CDH18: variants seen among roughly 807,000 people sequenced by gnomAD.
CDH18 encodes the protein cadherin 18.
Under a neutral mutation model 67.9 loss-of-function variants are expected in CDH18, and 31 were observed. The ratio of observed to expected loss-of-function variants is 0.46; its 90% CI spans 0.34 to 0.62. The LOEUF is 0.62. Among genes scored for constraint, CDH18 ranks in the 20% least tolerant of loss-of-function variants. The pLI, the probability that CDH18 is intolerant of heterozygous loss-of-function variation, is 0.01. For missense variants in CDH18, 890 were observed against 975.5 expected (o/e 0.91, Z 1.17); for synonymous variants, 362 against 347.2 (o/e 1.04, Z -0.48).
intron 1 of CDH18, among the ~76,000 whole-genome samples, chr5:20,316,937 C>A (rs1182934176): frequency 6.6e-6 from 1 of 151,724 alleles, no homozygotes; most frequent in African/African-American, 2.4e-5. Context: ...ATTTTGATGA[C>A]CCATTTTATT....
intron 1 of CDH18, among the ~76,000 whole-genome samples, chr5:20,277,002 A>G (rs1032915817): frequency 6.6e-6 from 1 of 152,082 alleles, no homozygotes; most frequent in African/African-American, 2.4e-5. Flanking sequence ...GCTGCAGTAG[A>G]ATAGAGCACC....
chr5:19,966,152 C>G (rs1797420033), intron 2 of CDH18, among the ~76,000 whole-genome samples: 1 of 152,126 alleles, frequency 6.6e-6, no homozygotes, highest in African/African-American at 2.4e-5. Flanking sequence ...ACAGAAAGAT[C>G]ATTTGTGAAA....
chr5:19,577,003 T>C (rs1261689390), intron 7 of CDH18, among the ~76,000 whole-genome samples: 1 of 152,128 alleles, frequency 6.6e-6, no homozygotes, highest in African/African-American at 2.4e-5. Context: ...GACAGACAAA[T>C]ACCATATGAT....
chr5:20,538,245 C>T (rs953586211), intron 1 of CDH18, among the ~76,000 whole-genome samples: 1 of 152,054 alleles, frequency 6.6e-6, no homozygotes, highest in African/African-American at 2.4e-5. Context: ...GGGATGCAGA[C>T]GTGGGCAGGG....
chr5:19,622,228 AG>A (rs1341733880), intron 5 of CDH18, among the ~76,000 whole-genome samples: 1 of 152,196 alleles, frequency 6.6e-6, no homozygotes, highest in Admixed American at 6.6e-5. Context: ...AAGAGATGGC[AG>A]AAACATGGTA....
chr5:20,134,642 G>T (rs1386879578), intron 2 of CDH18, among the ~76,000 whole-genome samples: 1 of 152,106 alleles, frequency 6.6e-6, no homozygotes, highest in Non-Finnish European at 1.5e-5. Flanking sequence ...ATAAGATTTG[G>T]GTGGGGACAC....
intron 3 of CDH18, among the ~76,000 whole-genome samples, chr5:19,749,007 G>A (rs1418936316): frequency 1.3e-5 from 2 of 151,998 alleles, no homozygotes; most frequent in Non-Finnish European, 2.9e-5. Flanking sequence ...TTAGTAAATT[G>A]GATACTAAAA....
At position 20,373,425 on chromosome 5, in the gene CDH18, T is replaced by C. The variant is rs1215845254; in HGVS notation, c.-579-117920A>G. Reference sequence around the variant, plus strand: ...TCTCACACCCATCACTGTACCAAGATTTCTAGTCCAATCTTTGGATGACTT... The same window carrying C: ...TCTCACACCCATCACTGTACCAAGACTTCTAGTCCAATCTTTGGATGACTT... On this transcript the variant is annotated intron_variant, in intron 1 of 14. Coordinates refer to the CDH18 transcript ENST00000507958. Among the ~76,000 whole-genome samples the C allele has an allele frequency of 2.0e-5, 3 of 152,246 alleles. No homozygotes were observed. In the East Asian group the frequency reaches 5.8e-4, roughly 29 times the overall value.
At chr5:20,367,756 A>G (rs1031559995) in intron 1 of CDH18, among the ~76,000 whole-genome samples, 2 of 152,232 alleles carry the variant, frequency 1.3e-5, no homozygotes, top group African/African-American at 4.8e-5. Context: ...TGAAGTGACT[A>G]CATAGGTAAT....
intron 1 of CDH18, among the ~76,000 whole-genome samples, chr5:20,443,860 T>C (rs1197204367): frequency 1.3e-5 from 2 of 151,896 alleles, no homozygotes; most frequent in African/African-American, 4.9e-5. Context: ...ACATGAACTA[T>C]ATGACTAATT....
intron 2 of CDH18, among the ~76,000 whole-genome samples, chr5:20,040,239 C>A (rs1740298057): frequency 2.0e-5 from 3 of 151,804 alleles, no homozygotes; most frequent in Non-Finnish European, 4.4e-5. Flanking sequence ...ACCTATGCAA[C>A]AAACATGCAC....
At chr5:19,925,404 C>G (rs7380872) in intron 2 of CDH18, among the ~76,000 whole-genome samples, 1 of 151,978 alleles carries the variant, frequency 6.6e-6, no homozygotes, top group Admixed American at 6.6e-5. Context: ...TATGCAAGAA[C>G]GCAAGACATC....
At chr5:20,114,981 G>C (rs1747767110) in intron 2 of CDH18, among the ~76,000 whole-genome samples, 3 of 152,154 alleles carry the variant, frequency 2.0e-5, no homozygotes, top group Admixed American at 6.5e-5. Context: ...TAGAATCTAA[G>C]GAATGAAAGG....
chr5:19,629,855 A>C (rs1752145974), intron 5 of CDH18, among the ~76,000 whole-genome samples: 1 of 152,226 alleles, frequency 6.6e-6, no homozygotes, highest in South Asian at 2.1e-4. Context: ...AAAATAGACA[A>C]CATATCACAA....
At chr5:20,166,040 C>T (rs1432327446) in intron 2 of CDH18, among the ~76,000 whole-genome samples, 1 of 152,114 alleles carries the variant, frequency 6.6e-6, no homozygotes, top group Admixed American at 6.5e-5. Flanking sequence ...CACCACATTG[C>T]TTAGGCAATT....
intron 1 of CDH18, among the ~76,000 whole-genome samples, chr5:20,383,251 T>C (rs1294656655): frequency 1.3e-5 from 2 of 152,180 alleles, no homozygotes; most frequent in South Asian, 2.1e-4. Flanking sequence ...TCTGAGTTAG[T>C]ATTAAGTCCA....
intron 2 of CDH18, among the ~76,000 whole-genome samples, chr5:20,056,858 T>C (rs1170742869): frequency 7.3e-5 from 11 of 151,106 alleles, no homozygotes; most frequent in African/African-American, 2.7e-4. Flanking sequence ...TAATTTCTTT[T>C]GTATTTTTAG....
At chr5:19,735,396 ATTTTTT>A (rs34913380) in intron 4 of CDH18, among the ~76,000 whole-genome samples, 1 of 105,086 alleles carries the variant, frequency 9.5e-6, no homozygotes, top group Non-Finnish European at 2.1e-5. Context: ...ATGATATTGG[ATTTTTT>A]TTTTTTTTTT....
At chr5:19,935,506 C>T (rs1172419393) in intron 2 of CDH18, among the ~76,000 whole-genome samples, 1 of 151,152 alleles carries the variant, frequency 6.6e-6, no homozygotes, top group African/African-American at 2.4e-5. Flanking sequence ...GAAATTAGTA[C>T]AGGAACATGC....
Sources: gnomAD v4.1 joint callset for allele counts (sites outside exome capture counted in the v4.1 genomes callset) on GRCh38, gnomAD v4.1.1 for gene constraint, MANE v1.5 for transcripts, NCBI Gene and HGNC (gene_info 2026-07-23, HGNC 2026-07-21) for gene names.